Variants in DOCK11 observed in about 807,000 individuals in gnomAD.
DOCK11 encodes dedicator of cytokinesis 11.
In DOCK11, 70 loss-of-function variants were observed where a neutral mutation model predicts 169.1. The observed-to-expected ratio is 0.41, with a 90% CI of 0.34 to 0.51. DOCK11 has a LOEUF of 0.51. DOCK11 is among the 20% of genes least tolerant of loss of function. The probability of loss-of-function intolerance (pLI) is 0.10; values close to 1 mark genes in which losing one functional copy is unlikely to be tolerated. For synonymous variants in DOCK11, 529 were observed against 541.3 expected (o/e 0.98, Z 0.32); for missense variants, 1,166 against 1,538.8 (o/e 0.76, Z 4.05).
chrX:118,541,794 C>A (rs2147344910), intron 1 of DOCK11, among the ~76,000 whole-genome samples: 1 of 112,148 alleles, frequency 8.9e-6, no homozygotes, highest in South Asian at 3.7e-4. Flanking sequence ...GCATCACTGA[C>A]CCTGCTTCTT....
chrX:118,679,553 C>T (rs1199995134), intron 48 of DOCK11, among the ~76,000 whole-genome samples: 2 of 110,838 alleles, frequency 1.8e-5, no homozygotes, highest in African/African-American at 6.6e-5. Flanking sequence ...GCCTCAGCAA[C>T]ACAGGGAGAC....
In DOCK11 at chrX:118,608,078, C is replaced by T; in HGVS notation, c.2688C>T (p.Leu896=). The T allele has an allele frequency of 8.3e-7, 1 of 1,201,196 alleles. No homozygotes were observed. Among genetic ancestry groups the T allele is most frequent in the Middle Eastern group, 2.3e-4 (1 of 4,299 alleles). The change falls in exon 25 of 53, where the codon CTC becomes CTT. Residue 896 remains leucine (L), a synonymous_variant. Transcript: ENST00000276202. ...CTTGTGAATGTCGTTTCAGGGTTCT[C>T]TTACATATTGTATCAAAGTGCCATG... is the stretch of plus-strand genomic sequence containing the variant. ...DDVPINCTMV[L]LHIVSKCHEE... is the part of the protein sequence containing the mutation.
intron 20 of DOCK11, among the ~76,000 whole-genome samples, chrX:118,594,858 G>A (rs777411993): frequency 1.8e-5 from 2 of 110,514 alleles, no homozygotes; most frequent in Non-Finnish European, 3.8e-5. Flanking sequence ...TGCAACAATG[G>A]CAGGAATGTA....
chrX:118,588,443 C>T lies in DOCK11; in HGVS notation c.2011C>T (p.Arg671Trp), dbSNP rs1210826938. 5.0e-6 allele frequency: 6 copies of T among 1,189,629 alleles called. No homozygotes were observed. The highest frequency in any genetic ancestry group is 3.0e-5 in the East Asian group (1 of 33,439). ...GAACATTGCAGTCTGTGTGGAATTCCGGGATTCAGATGAAAGTGACGCTAG... is the reference window on the plus strand; with the variant it reads ...GAACATTGCAGTCTGTGTGGAATTCTGGGATTCAGATGAAAGTGACGCTAG... The part of the protein sequence containing the change: ...ARNIAVCVEF[R>W]DSDESDASAL... The change falls in exon 18 of 53, where the codon CGG becomes TGG. Residue 671 changes from arginine to tryptophan, a missense_variant. Transcript: ENST00000276202.
rs753140187 is a variant in DOCK11, at chrX:118,573,989, G to A, written c.1360G>A (p.Ala454Thr). ...ACCCGAATCTTACATTCATGGAATT[G>A]CCGAATCTCAGTTACGCTACATACA... Reference protein sequence around the residue: ...SSPESYIHGIAESQLRYIQQG... With the variant: ...SSPESYIHGITESQLRYIQQG... The change falls in exon 12 of 53, where the codon GCC (alanine) becomes ACC (threonine). Residue 454 changes from alanine (A) to threonine (T), a missense_variant. Ala to Thr is a moderately conservative substitution (Grantham distance 58). Coordinates refer to ENST00000276202, the MANE Select transcript of DOCK11 (RefSeq NM_144658.4). 9 of 1,210,182 alleles carry A rather than the reference G, an allele frequency of 7.4e-6. No individual in the cohort carries two copies. Among genetic ancestry groups the A allele is most frequent in the South Asian group, 1.8e-5 (1 of 56,831 alleles).
intron 1 of DOCK11, among the ~76,000 whole-genome samples, chrX:118,512,323 AT>A (rs1305720796): frequency 8.9e-6 from 1 of 111,997 alleles, no homozygotes; most frequent in South Asian, 3.7e-4. Context: ...AAAGGAAGGT[AT>A]TTTTTTTCCA....
At chrX:118,641,347 G>C in intron 39 of DOCK11, 42 bp downstream of exon 39, 2 of 973,833 alleles carry the variant, frequency 2.1e-6, no homozygotes, top group South Asian at 4.0e-5. Flanking sequence ...CCATTGCAAA[G>C]TAACATTATG....
chrX:118,630,435 T>G lies in DOCK11; in HGVS notation c.3831T>G (p.Tyr1277Ter). ...SVSQYNRLDQYEIRSLLMCYL... is the reference protein window; with the variant it reads ...SVSQYNRLDQ ...CCCAGTATAACCGCCTGGATCAGTA[T>G]GAAATCAGAAGCCTCCTGATGTGCT... Residue 1277 changes from tyrosine to a stop codon, truncating the protein, a stop_gained, in exon 35 of 53, where the codon TAT (tyrosine) becomes TAG (stop). Coordinates refer to ENST00000276202, the MANE Select transcript of DOCK11 (RefSeq NM_144658.4). LOFTEE classifies it high-confidence loss of function. The G allele has an allele frequency of 5.8e-6, 7 of 1,210,045 alleles. No individual in the cohort carries two copies. Among genetic ancestry groups the G allele is most frequent in the Non-Finnish European group, 7.8e-6 (7 of 894,286 alleles).
At chrX:118,574,787 G>A (rs1320445877) in intron 12 of DOCK11, among the ~76,000 whole-genome samples, 1 of 111,961 alleles carries the variant, frequency 8.9e-6, no homozygotes, top group Non-Finnish European at 1.9e-5. Flanking sequence ...GAAAAGCAAT[G>A]GGCGGGAACT....
At chrX:118,587,853 G>T (rs985001005) in intron 16 of DOCK11, among the ~76,000 whole-genome samples, 1 of 111,755 alleles carries the variant, frequency 8.9e-6, no homozygotes, top group Non-Finnish European at 1.9e-5. Flanking sequence ...GTTTAAATTT[G>T]TCAAAATTAT....
Position 118,614,793 on chromosome X carries a change from G to T in DOCK11, c.3180+18G>T, listed in dbSNP as rs779048760. The T allele has an allele frequency of 9.8e-7, 1 of 1,019,814 alleles. No individual in the cohort carries two copies. The highest frequency in any genetic ancestry group is 1.4e-6 in the Non-Finnish European group (1 of 732,222). The allele number at this position is 1,019,814 out of a possible 1,213,427, so 84.0% of individuals were successfully genotyped here. On this transcript the variant is annotated intron_variant, in intron 29 of 52. Transcript: ENST00000276202. ...ATCCTAAGGTAAGTTATAAGGACAT[G>T]ATTGTAGTGGATGTCAGACATCTGA...
At chrX:118,588,088 A>G in intron 16 of DOCK11, 49 bp from the exon 17 acceptor site, 1 of 988,387 alleles carries the variant, frequency 1.0e-6, no homozygotes. Flanking sequence ...GGAATGTGTT[A>G]ATGATTATTA....
At chrX:118,609,167 CA>C (rs2014613638) in intron 26 of DOCK11, 110 bp from the exon 27 acceptor site, 1 of 520,550 alleles carries the variant, frequency 1.9e-6, no homozygotes, top group Non-Finnish European at 3.2e-6. Context: ...GACTTGGGAT[CA>C]CTTGAAAATG....
Position 118,572,311 on chromosome X carries a change from TC to T in DOCK11, c.1036-11del, listed in dbSNP as rs2013302502. 1 of 1,132,818 alleles carries T rather than the reference TC, an allele frequency of 8.8e-7. No individual in the cohort carries two copies. Among genetic ancestry groups the T allele is most frequent in the African/African-American group, 1.8e-5 (1 of 55,358 alleles). 93.4% of individuals were successfully genotyped at this position (1,132,818 alleles called of 1,213,427 possible). On this transcript the variant is annotated splice_polypyrimidine_tract_variant and intron_variant, in intron 10 of 52. Coordinates refer to ENST00000276202, the MANE Select transcript of DOCK11 (RefSeq NM_144658.4). ...CTTTTTTTGAAAATGATTCATACTA[TC>T]TCTTTTATAGAGGTTGGACTTTTCA...
At chrX:118,629,816 A>ATTTTTTT (rs67646403) in intron 34 of DOCK11, among the ~76,000 whole-genome samples, 1 of 75,439 alleles carries the variant, frequency 1.3e-5, no homozygotes, top group African/African-American at 4.9e-5. Context: ...ACCCAGCTAA[A>ATTTTTTT]TTTTTTTTTT....
At chrX:118,514,295 C>T (rs2057668752) in intron 1 of DOCK11, among the ~76,000 whole-genome samples, 2 of 110,551 alleles carry the variant, frequency 1.8e-5, no homozygotes, top group South Asian at 7.7e-4. Flanking sequence ...ATTACCCAGT[C>T]TCAGGCAGTT....
At chrX:118,506,909 C>T (rs1465605314) in intron 1 of DOCK11, among the ~76,000 whole-genome samples, 1 of 110,677 alleles carries the variant, frequency 9.0e-6, no homozygotes, top group Non-Finnish European at 1.9e-5. Flanking sequence ...CATAGCGAGA[C>T]CCCCGTCTTT....
intron 31 of DOCK11, among the ~76,000 whole-genome samples, chrX:118,624,176 A>G (rs1483577883): frequency 8.8e-6 from 1 of 113,094 alleles, no homozygotes; most frequent in East Asian, 2.7e-4. Context: ...TTGGGGATGA[A>G]GCAGTGAACA....
At chrX:118,508,881 C>T (rs751313575) in intron 1 of DOCK11, among the ~76,000 whole-genome samples, 44 of 112,359 alleles carry the variant, frequency 3.9e-4, no homozygotes, top group Non-Finnish European at 4.5e-4. Context: ...TCTGTAATAA[C>T]AAACCCAGCT....
Sources: allele counts gnomAD v4.1 joint callset (sites outside exome capture counted in the v4.1 genomes callset), GRCh38; gene constraint gnomAD v4.1.1; transcripts MANE v1.5; gene names NCBI Gene and HGNC (gene_info 2026-07-23, HGNC 2026-07-21).